EXD3: variants seen among roughly 807,000 people sequenced by gnomAD.
The protein encoded by EXD3 is exonuclease 3'-5' domain containing 3, also known as exonuclease mut-7 homolog.
EXD3 carries 92 observed loss-of-function variants against 98.0 expected under a neutral mutation model. The observed-to-expected ratio is 0.94, with a 90% CI of 0.79 to 1.12. The LOEUF is 1.12. EXD3 is among the 50% of genes most tolerant of loss of function. EXD3 has a pLI of 0.00. For synonymous variants in EXD3, 569 were observed against 526.0 expected (o/e 1.08, Z -1.12); for missense variants, 1,222 against 1,191.6 (o/e 1.03, Z -0.38).
At chr9:137,344,921 T>C (rs1298595252) in intron 17 of EXD3, among the ~76,000 whole-genome samples, 5 of 151,784 alleles carry the variant, frequency 3.3e-5, no homozygotes, top group African/African-American at 1.2e-4. Flanking sequence ...CATTTCACCA[T>C]AAGCAGCAGA....
chr9:137,316,939 T>G (rs1831700367), intron 19 of EXD3, among the ~76,000 whole-genome samples: 2 of 152,066 alleles, frequency 1.3e-5, no homozygotes, highest in Non-Finnish European at 2.9e-5. Flanking sequence ...TGTGGGATCT[T>G]CAGAGGAGTT....
At chr9:137,417,129 G>A (rs906688766) in intron 1 of EXD3, among the ~76,000 whole-genome samples, 4 of 152,332 alleles carry the variant, frequency 2.6e-5, no homozygotes, top group Admixed American at 2.6e-4. Flanking sequence ...GCGTTGCGGG[G>A]TTTCATCCCC....
intron 1 of EXD3, among the ~76,000 whole-genome samples, chr9:137,417,275 G>A (rs1317487758): frequency 6.6e-6 from 1 of 152,210 alleles, no homozygotes; most frequent in African/African-American, 2.4e-5. Flanking sequence ...AGTTTCCCAC[G>A]GCTTGTCGTG....
chr9:137,323,661 T>C (rs1410478794), intron 19 of EXD3, 64 bp downstream of exon 19: 1 of 1,580,820 alleles, frequency 6.3e-7, no homozygotes, highest in Non-Finnish European at 8.6e-7. Flanking sequence ...CCCACCTCCC[T>C]GGACACCCCC....
chr9:137,372,116 C>T (rs772723298), intron 5 of EXD3, among the ~76,000 whole-genome samples: 87 of 152,224 alleles, frequency 5.7e-4, no homozygotes, highest in Non-Finnish European at 8.7e-4. Context: ...CAATTCTCAT[C>T]CAGACACCTT....
At chr9:137,361,617 G>A (rs1834998692) in intron 7 of EXD3, among the ~76,000 whole-genome samples, 1 of 151,280 alleles carries the variant, frequency 6.6e-6, no homozygotes, top group Admixed American at 6.6e-5. Context: ...GTGGTGGCAG[G>A]AGCCTATAAT....
chr9:137,396,618 C>T (rs764806969), intron 1 of EXD3, among the ~76,000 whole-genome samples: 8 of 152,194 alleles, frequency 5.3e-5, no homozygotes, highest in South Asian at 2.1e-4. Context: ...TCTCACCTGT[C>T]GGCCAACACG....
At chr9:137,339,763 C>T (rs1220977397) in intron 17 of EXD3, among the ~76,000 whole-genome samples, 2 of 152,184 alleles carry the variant, frequency 1.3e-5, no homozygotes, top group Non-Finnish European at 2.9e-5. Flanking sequence ...GGAACTGCCT[C>T]AGCCTGGTAC....
At chr9:137,339,563 G>C (rs553281994) in intron 17 of EXD3, among the ~76,000 whole-genome samples, 1 of 151,152 alleles carries the variant, frequency 6.6e-6, no homozygotes, top group South Asian at 2.1e-4. Context: ...TAATATGCGG[G>C]ACCAAGTTGA....
chr9:137,346,187 C>A (rs777038826), intron 17 of EXD3, among the ~76,000 whole-genome samples: 1 of 128,400 alleles, frequency 7.8e-6, no homozygotes, highest in African/African-American at 3.0e-5. Context: ...TGCAGTGAGC[C>A]GAGATCGCAC....
At chr9:137,338,361 C>T (rs1043207169) in intron 17 of EXD3, among the ~76,000 whole-genome samples, 1 of 152,016 alleles carries the variant, frequency 6.6e-6, no homozygotes, top group Non-Finnish European at 1.5e-5. Flanking sequence ...CACTGTATAT[C>T]AAAACTGATA....
At chr9:137,399,637 GA>G (rs1280838892) in intron 1 of EXD3, among the ~76,000 whole-genome samples, 1 of 152,100 alleles carries the variant, frequency 6.6e-6, no homozygotes, top group African/African-American at 2.4e-5. Flanking sequence ...AGACATACCT[GA>G]AACTGGGAAC....
At chr9:137,354,527 C>T in intron 9 of EXD3, 150 bp from the exon 10 acceptor site, 2 of 1,536,066 alleles carry the variant, frequency 1.3e-6, no homozygotes, top group South Asian at 2.4e-5. Context: ...AGAGCCAGGG[C>T]CCCATGGCCT....
chr9:137,349,485 T>A lies in EXD3; in HGVS notation c.1541A>T (p.Glu514Val). ...CACCAGGAGGCTCAGGCCCCTCAGC[T>A]CCCTGGCCCTGTCCACGGCTGGGGC... ...VPAPAVDRAR[E>V]LRGLSLLVQQ... is the part of the protein sequence containing the mutation. Residue 514 changes from glutamate to valine, a missense_variant, in exon 15 of 22, where the codon GAG becomes GTG. Coordinates refer to ENST00000340951, the MANE Select transcript of EXD3 (RefSeq NM_017820.5). The surrounding 1 kb of genome is among the most constrained non-coding windows in gnomAD (Gnocchi z 7.4). 6.2e-7 allele frequency: 1 copy of A among 1,603,538 alleles called. No individual in the cohort carries two copies. Among genetic ancestry groups the A allele is most frequent in the Non-Finnish European group, 8.5e-7 (1 of 1,177,652 alleles).
chr9:137,408,634 C>T (rs1226026671), intron 1 of EXD3, among the ~76,000 whole-genome samples: 2 of 151,876 alleles, frequency 1.3e-5, no homozygotes, highest in Non-Finnish European at 2.9e-5. Context: ...GCAAGGCCCT[C>T]CAGGGACGTC....
intron 19 of EXD3, among the ~76,000 whole-genome samples, chr9:137,315,001 C>T (rs1321880313): frequency 3.3e-5 from 5 of 152,282 alleles, no homozygotes; most frequent in South Asian, 4.1e-4. Flanking sequence ...TACTGCCTCA[C>T]GGTGTGGACA....
chr9:137,389,136 C>T (rs963404215), intron 2 of EXD3, among the ~76,000 whole-genome samples: 4 of 152,216 alleles, frequency 2.6e-5, no homozygotes, highest in Non-Finnish European at 4.4e-5. Context: ...CCAGCCCAAC[C>T]GTCTCTGGTC....
In EXD3 at chr9:137,349,366, C is replaced by T. The variant is rs1834131303; in HGVS notation, c.1657+3G>A. Reference sequence around the variant, plus strand: ...GGTCACTCCCACCCGCCGCACCGCACACCTGCGTAGATGACCTGCTCCTCG... The same window carrying T: ...GGTCACTCCCACCCGCCGCACCGCATACCTGCGTAGATGACCTGCTCCTCG... On this transcript the variant is annotated splice_donor_region_variant and intron_variant, in intron 15 of 21. Coordinates refer to ENST00000340951, the MANE Select transcript of EXD3 (RefSeq NM_017820.5). This position sits in a 1 kb window ranked among gnomAD's most constrained non-coding sequence, Gnocchi z 7.4. 4 of 1,582,978 alleles carry T rather than the reference C, an allele frequency of 2.5e-6. No homozygotes were observed. In the South Asian group the frequency reaches 4.6e-5, roughly 18 times the overall value.
At chr9:137,399,597 C>T (rs1396933199) in intron 1 of EXD3, among the ~76,000 whole-genome samples, 1 of 152,186 alleles carries the variant, frequency 6.6e-6, no homozygotes, top group African/African-American at 2.4e-5. Flanking sequence ...TCCTAACCCC[C>T]ATATTAGTTC....
Sources: allele counts gnomAD v4.1 joint callset (sites outside exome capture counted in the v4.1 genomes callset), GRCh38; gene constraint gnomAD v4.1.1; non-coding constraint Gnocchi (gnomAD v3.1); transcripts MANE v1.5; gene names NCBI Gene and HGNC (gene_info 2026-07-23, HGNC 2026-07-21).